GPC5: variants seen among roughly 807,000 people sequenced by gnomAD.
GPC5 encodes glypican 5, also known as glypican-5.
GPC5 carries 47 observed loss-of-function variants against 53.9 expected under a neutral mutation model. The ratio of observed to expected loss-of-function variants is 0.87; its 90% CI spans 0.69 to 1.11. GPC5 has a LOEUF of 1.11. Ranked by LOEUF, GPC5 falls within the 50% of genes most tolerant of loss-of-function variation. GPC5 has a pLI of 0.00. For missense variants in GPC5, 748 were observed against 713.1 expected, an observed-to-expected ratio of 1.05 and a Z score of -0.56; for synonymous variants, 286 against 263.3, an observed-to-expected ratio of 1.09 and a Z score of -0.84.
At chr13:92,854,217 A>G (rs1489840456) in intron 7 of GPC5, among the ~76,000 whole-genome samples, 2 of 147,862 alleles carry the variant, frequency 1.4e-5, no homozygotes, top group Non-Finnish European at 3.0e-5. Flanking sequence ...TATATATTAT[A>G]TATATGTTAT....
At chr13:92,511,376 A>C (rs1880556842) in intron 7 of GPC5, among the ~76,000 whole-genome samples, 1 of 152,104 alleles carries the variant, frequency 6.6e-6, no homozygotes, top group Non-Finnish European at 1.5e-5. Context: ...ACAAATGTAT[A>C]TTTTAATTAT....
At chr13:92,016,043 C>T (rs1305647447) in intron 6 of GPC5, among the ~76,000 whole-genome samples, 2 of 150,802 alleles carry the variant, frequency 1.3e-5, no homozygotes, top group Non-Finnish European at 3.0e-5. Flanking sequence ...TATTCTGATA[C>T]ACATCACTTC....
chr13:91,646,324 TA>T (rs1486800475), intron 2 of GPC5, among the ~76,000 whole-genome samples: 2 of 147,874 alleles, frequency 1.4e-5, no homozygotes, highest in Non-Finnish European at 2.9e-5. Flanking sequence ...TGAAAATATA[TA>T]TTTTTTTAAC....
chr13:91,848,620 A>C (rs59164507), intron 5 of GPC5, among the ~76,000 whole-genome samples: 4,216 of 152,306 alleles, frequency 0.028, 199 homozygotes, highest in African/African-American at 0.095. Context: ...AGGATGTTCT[A>C]AAGTGATTCT....
intron 7 of GPC5, among the ~76,000 whole-genome samples, chr13:92,510,977 A>AGT (rs1436691995): frequency 6.6e-6 from 1 of 152,216 alleles, no homozygotes; most frequent in Non-Finnish European, 1.5e-5. Flanking sequence ...TCAACATTAA[A>AGT]GTAGATCATT....
intron 5 of GPC5, among the ~76,000 whole-genome samples, chr13:91,849,302 C>G (rs2038887608): frequency 6.6e-6 from 1 of 152,160 alleles, no homozygotes; most frequent in South Asian, 2.1e-4. Context: ...GTCTGACTTT[C>G]CAGGCTTGTT....
intron 7 of GPC5, among the ~76,000 whole-genome samples, chr13:92,197,638 T>C (rs534858593): frequency 1.3e-5 from 2 of 151,642 alleles, no homozygotes; most frequent in South Asian, 2.1e-4. Context: ...GCCTGAACTT[T>C]AGGGCATCGC....
At chr13:91,740,115 T>G (rs342719) in intron 4 of GPC5, among the ~76,000 whole-genome samples, 111,621 of 149,622 alleles carry the variant, frequency 0.75, 41,894 homozygotes, top group Middle Eastern at 0.82. Flanking sequence ...TGCTTCCCTT[T>G]CTCGCTTTTA....
In GPC5 at chr13:91,554,978, C is replaced by T. The variant is rs117655665; in HGVS notation, c.325+106056C>T. ...ACAAAGCCTTAGCCCACACAGGCTTCCCTTGCATTGAGGGAAAAATGACTG... is the reference window on the plus strand; with the variant it reads ...ACAAAGCCTTAGCCCACACAGGCTTTCCTTGCATTGAGGGAAAAATGACTG... On this transcript the variant is annotated intron_variant, in intron 2 of 7. Transcript: ENST00000377067. Among the ~76,000 whole-genome samples the T allele has an allele frequency of 7.0e-3, 1,066 of 152,192 alleles. 5 individuals are homozygous for T. Among genetic ancestry groups the T allele is most frequent in the Non-Finnish European group, 0.011 (777 of 67,978 alleles).
chr13:92,148,116 A>G (rs1593931287), intron 7 of GPC5, among the ~76,000 whole-genome samples: 1 of 152,086 alleles, frequency 6.6e-6, no homozygotes, highest in East Asian at 1.9e-4. Flanking sequence ...TTACCATAAA[A>G]AGTCTGACTA....
chr13:92,373,198 T>C (rs16947496), intron 7 of GPC5, among the ~76,000 whole-genome samples: 4,094 of 152,268 alleles, frequency 0.027, 187 homozygotes, highest in African/African-American at 0.094. Context: ...GGTCAACACA[T>C]GAATACCTAG....
At chr13:92,651,329 T>C (rs1170607844) in intron 7 of GPC5, among the ~76,000 whole-genome samples, 1 of 152,072 alleles carries the variant, frequency 6.6e-6, no homozygotes, top group African/African-American at 2.4e-5. Context: ...AACAGTGATA[T>C]GCCTTGTTGA....
intron 7 of GPC5, among the ~76,000 whole-genome samples, chr13:92,476,114 G>A (rs916932504): frequency 2.0e-5 from 3 of 152,034 alleles, no homozygotes; most frequent in East Asian, 1.9e-4. Context: ...GCAACCTACA[G>A]AATGGGAGAA....
intron 7 of GPC5, among the ~76,000 whole-genome samples, chr13:92,806,455 C>G (rs1877103919): frequency 6.6e-6 from 1 of 151,974 alleles, no homozygotes; most frequent in African/African-American, 2.4e-5. Flanking sequence ...AGGACTTTTC[C>G]TTTGAATTCA....
At chr13:92,683,875 A>G (rs911234710) in intron 7 of GPC5, among the ~76,000 whole-genome samples, 1 of 152,188 alleles carries the variant, frequency 6.6e-6, no homozygotes. Context: ...TTAGTATGTT[A>G]CATTTGTTAC....
chr13:92,597,136 A>AT (rs1452471687), intron 7 of GPC5, among the ~76,000 whole-genome samples: 5 of 152,190 alleles, frequency 3.3e-5, no homozygotes, highest in Admixed American at 3.3e-4. Context: ...TTTAACATGC[A>AT]TTGTCAGGTC....
intron 1 of GPC5, among the ~76,000 whole-genome samples, chr13:91,422,655 A>C (rs1878722532): frequency 6.6e-6 from 1 of 151,176 alleles, no homozygotes; most frequent in Non-Finnish European, 1.5e-5. Context: ...GAAAAAAAAA[A>C]CCATTTCTTA....
At chr13:91,527,034 C>T (rs1366873842) in intron 2 of GPC5, among the ~76,000 whole-genome samples, 1 of 152,184 alleles carries the variant, frequency 6.6e-6, no homozygotes, top group Non-Finnish European at 1.5e-5. Context: ...TGAGTGGGGA[C>T]ACAGAACCAA....
chr13:92,429,545 C>G (rs1006208475), intron 7 of GPC5, among the ~76,000 whole-genome samples: 2 of 151,804 alleles, frequency 1.3e-5, no homozygotes, highest in African/African-American at 4.8e-5. Flanking sequence ...TAAATATTTA[C>G]TTGTCCCCAA....
Sources: gnomAD v4.1 joint callset for allele counts (sites outside exome capture counted in the v4.1 genomes callset) on GRCh38, gnomAD v4.1.1 for gene constraint, MANE v1.5 for transcripts, NCBI Gene and HGNC (gene_info 2026-07-23, HGNC 2026-07-21) for gene names.